The following KCNJ6 variants were observed in gnomAD, a reference collection of about 807,000 sequenced individuals.
KCNJ6 encodes the protein G protein-activated inward rectifier potassium channel 2.
KCNJ6 carries 9 observed loss-of-function variants against 34.2 expected under a neutral mutation model. That is an observed-to-expected ratio of 0.26 (90% confidence interval 0.16 to 0.46). The LOEUF is 0.46. Among genes scored for constraint, KCNJ6 ranks in the 20% least tolerant of loss-of-function variants. KCNJ6 has a pLI of 1.00. For synonymous variants in KCNJ6, 196 were observed against 207.1 expected, an observed-to-expected ratio of 0.95 and a Z score of 0.46; for missense variants, 236 against 531.3, an observed-to-expected ratio of 0.44 and a Z score of 5.46.
chr21:37,632,620 C>A (rs2054338911), intron 3 of KCNJ6, among the ~76,000 whole-genome samples: 1 of 152,110 alleles, frequency 6.6e-6, no homozygotes, highest in Non-Finnish European at 1.5e-5. Context: ...TCTGATCAGA[C>A]TGGCCAAGTA....
chr21:37,796,579 G>T (rs1287485611), intron 2 of KCNJ6, among the ~76,000 whole-genome samples: 1 of 152,032 alleles, frequency 6.6e-6, no homozygotes, highest in East Asian at 1.9e-4. Context: ...GTCCCTCCTG[G>T]TTCTCATACT....
At chr21:37,902,573 A>G (rs1295622357) in intron 1 of KCNJ6, among the ~76,000 whole-genome samples, 1 of 152,244 alleles carries the variant, frequency 6.6e-6, no homozygotes, top group African/African-American at 2.4e-5. Context: ...TTATAGAAAT[A>G]TTATTCAAAT....
chr21:37,814,922 A>G (rs895925567), intron 2 of KCNJ6, among the ~76,000 whole-genome samples: 1 of 149,674 alleles, frequency 6.7e-6, no homozygotes, highest in Non-Finnish European at 1.5e-5. Context: ...AAAAAGAACG[A>G]GAATTTTTCC....
chr21:37,774,467 T>C (rs571073762), intron 2 of KCNJ6, among the ~76,000 whole-genome samples: 116 of 152,276 alleles, frequency 7.6e-4, no homozygotes, highest in African/African-American at 2.7e-3. Flanking sequence ...ACATTTAACA[T>C]TAGGTATATC....
At chr21:37,653,222 C>T (rs1298028888) in intron 3 of KCNJ6, among the ~76,000 whole-genome samples, 1 of 152,192 alleles carries the variant, frequency 6.6e-6, no homozygotes, top group Non-Finnish European at 1.5e-5. Flanking sequence ...AAGAATTTTA[C>T]TGAATTCATG....
At chr21:37,697,251 G>A (rs2054667732) in intron 3 of KCNJ6, among the ~76,000 whole-genome samples, 1 of 152,184 alleles carries the variant, frequency 6.6e-6, no homozygotes, top group Admixed American at 6.5e-5. Context: ...CCCTTGCTGG[G>A]GAGAGCTAAA....
chr21:37,612,721 A>G lies in KCNJ6; in HGVS notation c.*12438T>C, dbSNP rs2123348796. The G allele has an allele frequency of 1.1e-5, 1 of 87,568 alleles. No homozygotes were observed. Among genetic ancestry groups the G allele is most frequent in the African/African-American group, 6.1e-5 (1 of 16,454 alleles). The allele number at this position is 87,568 out of a possible 1,614,324, so 5.4% of individuals were successfully genotyped here. On this transcript the variant is annotated 3_prime_UTR_variant, in exon 4 of 4. Coordinates refer to ENST00000609713, the MANE Select transcript of KCNJ6 (RefSeq NM_002240.5). ...AATAGCTGCACATTTGCACATCCAC[A>G]GGCAAAAAAAAAAAAAAAAAAAAGA...
chr21:37,814,364 G>C (rs960287319), intron 2 of KCNJ6, among the ~76,000 whole-genome samples: 1 of 152,196 alleles, frequency 6.6e-6, no homozygotes, highest in Non-Finnish European at 1.5e-5. Flanking sequence ...ATGGAGAACA[G>C]TTTGGAGGTT....
chr21:37,697,159 C>A (rs2054667282), intron 3 of KCNJ6, among the ~76,000 whole-genome samples: 1 of 152,156 alleles, frequency 6.6e-6, no homozygotes, highest in African/African-American at 2.4e-5. Flanking sequence ...ATTGTTTGAC[C>A]ACCGTGTGGC....
chr21:37,725,262 G>T (rs2054848305), intron 2 of KCNJ6, among the ~76,000 whole-genome samples: 1 of 152,126 alleles, frequency 6.6e-6, no homozygotes. Flanking sequence ...GCATGGTGGT[G>T]CGTGCTGGTA....
intron 1 of KCNJ6, among the ~76,000 whole-genome samples, chr21:37,891,958 A>T (rs2055764289): frequency 6.6e-6 from 1 of 151,952 alleles, no homozygotes; most frequent in Non-Finnish European, 1.5e-5. Flanking sequence ...GCATCACATG[A>T]CTCTCAGATG....
intron 3 of KCNJ6, among the ~76,000 whole-genome samples, chr21:37,650,309 C>T (rs1398874034): frequency 4.6e-5 from 7 of 152,166 alleles, no homozygotes; most frequent in Admixed American, 3.3e-4. Flanking sequence ...GGACTGAGTC[C>T]GAGTTCTGCC....
intron 2 of KCNJ6, among the ~76,000 whole-genome samples, chr21:37,801,617 C>T (rs553966477): frequency 9.8e-5 from 15 of 152,338 alleles, no homozygotes; most frequent in Admixed American, 7.8e-4. Context: ...CTCAGCTTCT[C>T]CCAGCCTTCC....
chr21:37,832,117 C>T (rs557985399), intron 2 of KCNJ6, among the ~76,000 whole-genome samples: 1 of 152,188 alleles, frequency 6.6e-6, no homozygotes, highest in Non-Finnish European at 1.5e-5. Flanking sequence ...TAAAACATCA[C>T]AGCCATGTCT....
chr21:37,633,718 A>C (rs1435285843), intron 3 of KCNJ6, among the ~76,000 whole-genome samples: 1 of 152,146 alleles, frequency 6.6e-6, no homozygotes, highest in Non-Finnish European at 1.5e-5. Flanking sequence ...CTAGCAACAA[A>C]AAAAACCCTA....
intron 1 of KCNJ6, among the ~76,000 whole-genome samples, chr21:37,847,926 G>C (rs181056712): frequency 1.3e-5 from 2 of 152,326 alleles, no homozygotes; most frequent in Admixed American, 1.3e-4. Context: ...TGGGAGAGGG[G>C]AGGGCAAGGA....
At chr21:37,774,841 T>G (rs1214600522) in intron 2 of KCNJ6, among the ~76,000 whole-genome samples, 1 of 152,186 alleles carries the variant, frequency 6.6e-6, no homozygotes, top group Non-Finnish European at 1.5e-5. Flanking sequence ...GCAGCATGAT[T>G]TATAATCCTT....
chr21:37,756,686 AGCGTGAT>A (rs1200003266), intron 2 of KCNJ6, among the ~76,000 whole-genome samples: 175 of 144,118 alleles, frequency 1.2e-3, no homozygotes, highest in African/African-American at 4.6e-3. Context: ...ACTCCCTCAC[AGCGTGAT>A]GATTCCAGCC....
At chr21:37,848,764 G>A (rs1357652931) in intron 1 of KCNJ6, among the ~76,000 whole-genome samples, 1 of 152,198 alleles carries the variant, frequency 6.6e-6, no homozygotes, top group Non-Finnish European at 1.5e-5. Context: ...TGTTGAGCAC[G>A]TGACCTTCTA....
Sources: allele counts gnomAD v4.1 joint callset (sites outside exome capture counted in the v4.1 genomes callset), GRCh38; gene constraint gnomAD v4.1.1; transcripts MANE v1.5; gene names NCBI Gene and HGNC (gene_info 2026-07-23, HGNC 2026-07-21).